ARHGEF10: variants seen among roughly 807,000 people sequenced by gnomAD.
ARHGEF10 encodes the protein Rho guanine nucleotide exchange factor (GEF) 10.
ARHGEF10 carries 140 observed loss-of-function variants against 147.4 expected under a neutral mutation model. That is an observed-to-expected ratio of 0.95 (90% confidence interval 0.83 to 1.09). ARHGEF10 has a LOEUF of 1.09. Ranked by LOEUF, ARHGEF10 falls within the 50% of genes least tolerant of loss-of-function variation. The pLI is 0.00. For synonymous variants in ARHGEF10, 902 were observed against 695.8 expected (o/e 1.30, Z -4.67); for missense variants, 2,222 against 1,752.7 (o/e 1.27, Z -4.78).
At chr8:1,879,586 T>G (rs1808002575) in intron 8 of ARHGEF10, among the ~76,000 whole-genome samples, 2 of 151,038 alleles carry the variant, frequency 1.3e-5, no homozygotes, top group South Asian at 4.2e-4. Flanking sequence ...AGGGTCTTAC[T>G]CTGTCTGCCA....
chr8:1,888,865 G>GAATGGGTTGAGGTTGTGAGGAGAC (rs1809080198), intron 11 of ARHGEF10, among the ~76,000 whole-genome samples: 2 of 44,012 alleles, frequency 4.5e-5, no homozygotes, highest in Non-Finnish European at 8.7e-5. Flanking sequence ...AGGAGACACT[G>GAATGGGTTGAGGTTGTGAGGAGAC]AGTGGGGTGA....
chr8:1,872,590 G>A (rs1807220142), intron 7 of ARHGEF10, among the ~76,000 whole-genome samples: 1 of 152,110 alleles, frequency 6.6e-6, no homozygotes, highest in Admixed American at 6.5e-5. Flanking sequence ...CTTGTAACAC[G>A]ATTTCCCCAA....
At chr8:1,878,358 T>G (rs185419951) in intron 8 of ARHGEF10, among the ~76,000 whole-genome samples, 12 of 152,224 alleles carry the variant, frequency 7.9e-5, no homozygotes, top group Non-Finnish European at 8.8e-5. Context: ...AGCTAATTTT[T>G]GTATTTTTAG....
At chr8:1,939,228 T>C (rs1813879810) in intron 26 of ARHGEF10, among the ~76,000 whole-genome samples, 1 of 152,244 alleles carries the variant, frequency 6.6e-6, no homozygotes, top group African/African-American at 2.4e-5. Flanking sequence ...AGTGTTCTTA[T>C]TTTCGAGAAC....
At chr8:1,889,467 TGAG>T (rs1199647228) in intron 11 of ARHGEF10, among the ~76,000 whole-genome samples, 6 of 40,130 alleles carry the variant, frequency 1.5e-4, no homozygotes, top group African/African-American at 9.9e-4. Flanking sequence ...GAGGGGTCTG[TGAG>T]GAGACACTGA....
chr8:1,860,233 C>A lies in ARHGEF10; in HGVS notation c.481+49C>A, dbSNP rs373352124. 4.4e-6 allele frequency: 7 copies of A among 1,599,354 alleles called. No individual in the cohort carries two copies. In the African/African-American group the frequency reaches 8.1e-5, roughly 18 times the overall value. On this transcript the variant is annotated intron_variant, in intron 4 of 28. Coordinates refer to ENST00000349830, the MANE Select transcript of ARHGEF10 (RefSeq NM_014629.4). ...CCCCCGAAGTGGCCTGTGGTTCCCT[C>A]CTCTCCACGCCCCCGAAGTGGCCTG...
At chr8:1,878,442 T>G (rs1260776371) in intron 8 of ARHGEF10, among the ~76,000 whole-genome samples, 1 of 152,104 alleles carries the variant, frequency 6.6e-6, no homozygotes, top group Non-Finnish European at 1.5e-5. Flanking sequence ...GCCTCAGCCC[T>G]CCAAAGTGCT....
At position 1,956,806 on chromosome 8, in the gene ARHGEF10, C is replaced by T; in HGVS notation, c.3578C>T (p.Ala1193Val). The T allele has an allele frequency of 6.2e-7, 1 of 1,614,024 alleles. No individual in the cohort carries two copies. The highest frequency in any genetic ancestry group is 8.5e-7 in the Non-Finnish European group (1 of 1,180,038). Residue 1193 changes from alanine (A) to valine (V), a missense_variant, in exon 29 of 29, where the codon GCC (alanine) becomes GTC (valine). Transcript: ENST00000349830. ...HNSPVKFIVLATALHEKDKDK... is the reference protein window; with the variant it reads ...HNSPVKFIVLVTALHEKDKDK... The stretch of plus-strand genomic sequence containing the variant: ...AGTCCTGTCAAATTCATCGTCCTGG[C>T]CACGGCTCTGCACGAGAAAGACAAG...
chr8:1,825,533 G>C (rs1054216887), intron 1 of ARHGEF10, among the ~76,000 whole-genome samples: 1 of 147,650 alleles, frequency 6.8e-6, no homozygotes, highest in African/African-American at 2.5e-5. Flanking sequence ...GCACCCCACA[G>C]CCCGCTGGTG....
intron 21 of ARHGEF10, 119 bp from the exon 22 acceptor site, chr8:1,925,164 T>C: frequency 2.4e-6 from 3 of 1,226,738 alleles, no homozygotes; most frequent in East Asian, 2.5e-5. Flanking sequence ...AACATGGCGT[T>C]GTCTGGCCCT....
intron 17 of ARHGEF10, 142 bp downstream of exon 17, chr8:1,905,858 C>G: frequency 3.0e-6 from 3 of 1,004,256 alleles, no homozygotes; most frequent in Non-Finnish European, 4.5e-6. Flanking sequence ...ACTAAGGGAA[C>G]CCTTATAATA....
chr8:1,907,081 G>C (rs934441945), intron 17 of ARHGEF10, among the ~76,000 whole-genome samples: 14 of 152,198 alleles, frequency 9.2e-5, no homozygotes, highest in Admixed American at 5.9e-4. Context: ...CTGACGGAGT[G>C]AGGCCGTGGG....
chr8:1,853,796 C>T (rs1458816853), intron 2 of ARHGEF10, among the ~76,000 whole-genome samples: 6 of 152,216 alleles, frequency 3.9e-5, no homozygotes, highest in Admixed American at 1.3e-4. Context: ...CCTCTTCCAG[C>T]GCCCGCCGGC....
Position 1,923,569 on chromosome 8 carries a change from G to A in ARHGEF10, c.2361G>A (p.Gln787=), listed in dbSNP as rs1179836347. 2 of 1,613,990 alleles carry A rather than the reference G, an allele frequency of 1.2e-6. No individual in the cohort carries two copies. Among genetic ancestry groups the A allele is most frequent in the African/African-American group, 2.7e-5 (2 of 74,918 alleles). ...GAGCTGCGGACTGCTGCAGAATTCAGTTACAGCTTCCCGGGAAGCAGGACA... is the reference window on the plus strand; with the variant it reads ...GAGCTGCGGACTGCTGCAGAATTCAATTACAGCTTCCCGGGAAGCAGGACA... ...EIRAADCCRI[Q]LQLPGKQDKS... Residue 787 remains glutamine, a synonymous_variant, in exon 20 of 29, where the codon CAG becomes CAA. Transcript: ENST00000349830.
chr8:1,928,393 C>T (rs376037655), intron 23 of ARHGEF10, 34 bp from the exon 24 acceptor site: 154 of 1,599,010 alleles, frequency 9.6e-5, no homozygotes, highest in Admixed American at 1.7e-4. Flanking sequence ...GCCACATGGT[C>T]GTTTTCTTCT....
intron 14 of ARHGEF10, among the ~76,000 whole-genome samples, chr8:1,897,535 C>T (rs1215299179): frequency 2.0e-5 from 3 of 149,406 alleles, no homozygotes; most frequent in African/African-American, 5.0e-5. Context: ...GGCATCGGAT[C>T]GCAGTTCCCC....
intron 18 of ARHGEF10, among the ~76,000 whole-genome samples, chr8:1,919,066 A>G (rs1288061954): frequency 1.4e-5 from 2 of 140,066 alleles, no homozygotes; most frequent in East Asian, 4.4e-4. Flanking sequence ...CTGTAGAGTG[A>G]TAGAGCTGTT....
intron 17 of ARHGEF10, 104 bp downstream of exon 17, chr8:1,905,820 GT>G (rs1002327463): frequency 4.1e-6 from 6 of 1,460,206 alleles, no homozygotes; most frequent in Non-Finnish European, 5.7e-6. Context: ...GACTGAACTG[GT>G]TTTTTGTGCC....
At chr8:1,913,774 C>T (rs1480952494) in intron 18 of ARHGEF10, among the ~76,000 whole-genome samples, 1 of 152,222 alleles carries the variant, frequency 6.6e-6, no homozygotes. Flanking sequence ...GGAAGCGTGT[C>T]CTGAGTGCCA....
Sources: gnomAD v4.1 joint callset for allele counts (sites outside exome capture counted in the v4.1 genomes callset) on GRCh38, gnomAD v4.1.1 for gene constraint, MANE v1.5 for transcripts, NCBI Gene and HGNC (gene_info 2026-07-23, HGNC 2026-07-21) for gene names.